EGFL7: variants seen among roughly 807,000 people sequenced by gnomAD.
EGFL7 encodes the protein EGF like domain multiple 7.
A neutral mutation model predicts 37.1 loss-of-function variants in EGFL7; 48 were observed. The observed-to-expected ratio is 1.29, with a 90% confidence interval of 1.03 to 1.65. The LOEUF (loss-of-function observed/expected upper bound fraction) is 1.65, where lower values mean the gene tolerates loss of function less well. EGFL7 is among the 40% of genes most tolerant of loss of function. The probability of loss-of-function intolerance (pLI) is 0.00; values close to 1 mark genes in which losing one functional copy is unlikely to be tolerated. For synonymous variants in EGFL7, 180 were observed against 156.8 expected, an observed-to-expected ratio of 1.15 and a Z score of -1.10; for missense variants, 384 against 378.9, an observed-to-expected ratio of 1.01 and a Z score of -0.11.
chr9:136,672,213 G>C, intron 10 of EGFL7, 51 bp from the exon 11 acceptor site: 3 of 1,612,912 alleles, frequency 1.9e-6, no homozygotes, highest in Non-Finnish European at 2.5e-6. Flanking sequence ...TAGCTGGGCG[G>C]GGAGGCTGTG....
chr9:136,661,621 C>G (rs1845152804), upstream of EGFL7, among the ~76,000 whole-genome samples: 1 of 152,194 alleles, frequency 6.6e-6, no homozygotes, highest in South Asian at 2.1e-4. Context: ...CTGGCTGAGG[C>G]CCTGAGCCCT....
chr9:136,660,808 G>A (rs552673094), upstream of EGFL7, among the ~76,000 whole-genome samples: 1 of 152,316 alleles, frequency 6.6e-6, no homozygotes, highest in South Asian at 2.1e-4. Flanking sequence ...GAAGAGGAAG[G>A]AAGGGTGAGG....
chr9:136,669,554 G>C lies in EGFL7; in HGVS notation c.198-52G>C. The C allele has an allele frequency of 2.9e-6, 4 of 1,383,052 alleles. No homozygotes were observed. In the South Asian group the frequency reaches 4.9e-5, roughly 17 times the overall value. 85.7% of individuals were successfully genotyped at this position (1,383,052 alleles called of 1,614,324 possible). On this transcript the variant is annotated intron_variant, in intron 5 of 10. Transcript: ENST00000308874. ...AGAGGGGACTCTAGATGCCCAGCAGGTGACTAAGGGGGAGTAGGATGCCCC... is the reference window on the plus strand; with the variant it reads ...AGAGGGGACTCTAGATGCCCAGCAGCTGACTAAGGGGGAGTAGGATGCCCC...
rs1845980337 is a variant in EGFL7, at chr9:136,672,405, G to C, written c.*119G>C. The C allele has an allele frequency of 7.9e-7, 1 of 1,263,070 alleles. No homozygotes were observed. The highest frequency in any genetic ancestry group is 1.1e-6 in the Non-Finnish European group (1 of 875,374). The allele number at this position is 1,263,070 out of a possible 1,614,324, so 78.2% of individuals were successfully genotyped here. A position where few individuals can be genotyped will look rare whatever the true frequency, so the allele number is the denominator to read the frequency against. On this transcript the variant is annotated 3_prime_UTR_variant, in exon 11 of 11. Coordinates refer to ENST00000308874, the MANE Select transcript of EGFL7 (RefSeq NM_016215.5). ...GGGTGACTGAGCGGAAGGCCAGGCA[G>C]GGCCTTCCTCCTCTTCCTCCTCCCC...
rs748112821 is a variant in EGFL7, at chr9:136,672,259, C to G, written c.800-5C>G. On this transcript the variant is annotated splice_region_variant and splice_polypyrimidine_tract_variant and intron_variant, in intron 10 of 10. Coordinates refer to ENST00000308874, the MANE Select transcript of EGFL7 (RefSeq NM_016215.5). The stretch of plus-strand genomic sequence containing the variant: ...ATCTCTGACCTTCGCCTCATCCAAC[C>G]CTAGGCTCCTGCAAGAAAGACTCGT... The G allele has an allele frequency of 1.2e-6, 2 of 1,613,318 alleles. No homozygotes were observed. The highest frequency in any genetic ancestry group is 1.7e-6 in the Non-Finnish European group (2 of 1,179,962).
Position 136,669,673 on chromosome 9 carries a change from TGCCCCGGCTGGAA to T in EGFL7, c.267_279del (p.Cys89Ter). 1 of 1,608,940 alleles carries T rather than the reference TGCCCCGGCTGGAA, an allele frequency of 6.2e-7. No homozygotes were observed. Among genetic ancestry groups the T allele is most frequent in the Non-Finnish European group, 8.5e-7 (1 of 1,178,632 alleles). The stretch of plus-strand genomic sequence containing the variant: ...CCCTGCCAGGCCTCGCTACGCGTGC[TGCCCCGGCTGGAA>T]GAGGACCAGCGGGCTTCCTGGGGCC... On this transcript the variant is annotated frameshift_variant, in exon 6 of 11. Transcript: ENST00000308874. LOFTEE classifies it high-confidence loss of function.
chr9:136,669,743 G>A (rs368489840), intron 6 of EGFL7, 22 bp downstream of exon 6: 145 of 1,543,154 alleles, frequency 9.4e-5, no homozygotes, highest in Non-Finnish European at 1.2e-4. Flanking sequence ...GTCCCTCGGC[G>A]CCCGGTGTTA....
At chr9:136,668,395 TG>T in intron 4 of EGFL7, 33 bp downstream of exon 4, 1 of 1,550,684 alleles carries the variant, frequency 6.4e-7, no homozygotes. Context: ...AGTGCTGGGG[TG>T]GGGGGACCGG....
intron 2 of EGFL7, 102 bp from the exon 3 acceptor site, chr9:136,664,590 A>C: frequency 6.5e-6 from 1 of 153,544 alleles, no homozygotes; most frequent in Non-Finnish European, 1.4e-5. Flanking sequence ...CGGAGGTCCC[A>C]CAGCAGCACC....
rs779814003 is a variant in EGFL7, at chr9:136,669,737, C to G, written c.313+16C>G. 7.1e-6 allele frequency: 11 copies of G among 1,556,678 alleles called. No homozygotes were observed. Among genetic ancestry groups the G allele is most frequent in the African/African-American group, 1.4e-5 (1 of 73,750 alleles). ...TGTGGAGCAGGTGAGGGCTATGTCC[C>G]TCGGCGCCCGGTGTTAGGAGGGCGA... On this transcript the variant is annotated intron_variant, in intron 6 of 10. Coordinates refer to ENST00000308874, the MANE Select transcript of EGFL7 (RefSeq NM_016215.5).
chr9:136,668,605 G>C lies in EGFL7; in HGVS notation c.129G>C (p.Ser43=), dbSNP rs150932253. ...VRAHGDPVSE[S]FVQRVYQPFL... ...CTCACGGGGACCCTGTCTCCGAGTC[G>C]TTCGTGCAGCGTGTGTACCAGCCCT... is the stretch of plus-strand genomic sequence containing the variant. The change falls in exon 5 of 11, where the codon TCG becomes TCC. Residue 43 remains serine (S), a synonymous_variant. Coordinates refer to ENST00000308874, the MANE Select transcript of EGFL7 (RefSeq NM_016215.5). 1.9e-6 allele frequency: 3 copies of C among 1,608,280 alleles called. No individual in the cohort carries two copies. Among genetic ancestry groups the C allele is most frequent in the African/African-American group, 2.7e-5 (2 of 74,878 alleles).
At position 136,672,020 on chromosome 9, in the gene EGFL7, T is replaced by C; in HGVS notation, c.731T>C (p.Phe244Ser). The C allele has an allele frequency of 6.5e-7, 1 of 1,544,640 alleles. No homozygotes were observed. Among genetic ancestry groups the C allele is most frequent in the Non-Finnish European group, 8.7e-7 (1 of 1,146,812 alleles). The stretch of plus-strand genomic sequence containing the variant: ...CCCGGCAGCCTCCTGGTGCACTCCT[T>C]CCAGCAGCTCGGCCGCATCGACTCC... The part of the protein sequence containing the change: ...PDPGSLLVHS[F>S]QQLGRIDSLS... Residue 244 changes from phenylalanine (F) to serine (S), a missense_variant, in exon 10 of 11, where the codon TTC becomes TCC. Phe to Ser is a radical substitution (Grantham distance 155). Coordinates refer to ENST00000308874, the MANE Select transcript of EGFL7 (RefSeq NM_016215.5).
chr9:136,669,633 C>G lies in EGFL7; in HGVS notation c.225C>G (p.Arg75=). Residue 75 remains arginine, a synonymous_variant, in exon 6 of 11, where the codon CGC becomes CGG. Transcript: ENST00000308874. ...CCATCTATAGGACCGCCTACCGCCG[C>G]AGCCCTGGGCTGGCCCCTGCCAGGC... The part of the protein sequence containing the change: ...YRTIYRTAYR[R]SPGLAPARPR... 2 of 1,611,428 alleles carry G rather than the reference C, an allele frequency of 1.2e-6. No individual in the cohort carries two copies. The highest frequency in any genetic ancestry group is 1.7e-6 in the Non-Finnish European group (2 of 1,179,508).
rs750071355 is a variant in EGFL7 at position 136,669,724 on chromosome 9, G to A, written c.313+3G>A. 10 of 1,585,144 alleles carry A rather than the reference G, an allele frequency of 6.3e-6. No individual in the cohort carries two copies. The Middle Eastern group carries it at 1.2e-3, about 186-fold the overall frequency. ...GCTTCCTGGGGCCTGTGGAGCAGGT[G>A]AGGGCTATGTCCCTCGGCGCCCGGT... On this transcript the variant is annotated splice_donor_region_variant and intron_variant, in intron 6 of 10. Coordinates refer to ENST00000308874, the MANE Select transcript of EGFL7 (RefSeq NM_016215.5).
intron 9 of EGFL7, among the ~76,000 whole-genome samples, chr9:136,671,233 G>C (rs1232818829): frequency 5.4e-5 from 4 of 74,164 alleles, no homozygotes; most frequent in South Asian, 8.2e-4. Flanking sequence ...GAGGCGTCGG[G>C]GGGGCAGGCA....
At chr9:136,671,892 C>T (rs1369142304) in intron 9 of EGFL7, 34 bp from the exon 10 acceptor site, 2 of 1,459,258 alleles carry the variant, frequency 1.4e-6, no homozygotes, top group African/African-American at 1.4e-5. Context: ...AGGGCGGGGG[C>T]CGGCCCAGGG....
chr9:136,672,154 C>G (rs936823484), intron 10 of EGFL7, 66 bp downstream of exon 10: 9 of 1,583,580 alleles, frequency 5.7e-6, no homozygotes, highest in Non-Finnish European at 7.7e-6. Flanking sequence ...GAGGGGCTAC[C>G]CAGGCTTGGG....
chr9:136,663,901 G>C (rs1001443036), intron 2 of EGFL7, among the ~76,000 whole-genome samples: 2 of 152,302 alleles, frequency 1.3e-5, no homozygotes, highest in East Asian at 1.9e-4. Context: ...GGGCTGAGTC[G>C]GGGCAGCCCT....
upstream of EGFL7, chr9:136,660,300 G>A (rs1169252105): frequency 6.6e-6 from 1 of 152,416 alleles, no homozygotes. Context: ...TTAGGGCAAG[G>A]CCGCAGCCCA....
Sources: gnomAD v4.1 joint callset for allele counts (sites outside exome capture counted in the v4.1 genomes callset) on GRCh38, gnomAD v4.1.1 for gene constraint, MANE v1.5 for transcripts, NCBI Gene and HGNC (gene_info 2026-07-23, HGNC 2026-07-21) for gene names.